TNRC6A: variants seen among roughly 807,000 people sequenced by gnomAD.
TNRC6A encodes the protein trinucleotide repeat-containing gene 6A protein.
In TNRC6A, 44 loss-of-function variants were observed where a neutral mutation model predicts 221.2. That is an observed-to-expected ratio of 0.20 (90% CI 0.16 to 0.26). TNRC6A has a LOEUF of 0.26. Ranked by LOEUF, TNRC6A falls within the 10% of genes least tolerant of loss-of-function variation. TNRC6A has a pLI of 1.00. For missense variants in TNRC6A, 2,199 were observed against 2,404.4 expected (o/e 0.91, Z 1.79); for synonymous variants, 847 against 838.5 (o/e 1.01, Z -0.18).
At chr16:24,804,403 TATATA>T in intron 12 of TNRC6A, 84 bp downstream of exon 12, 1 of 1,455,436 alleles carries the variant, frequency 6.9e-7, no homozygotes, top group Non-Finnish European at 9.2e-7. Flanking sequence ...TAAAACCTTT[TATATA>T]ATATAAAGTG....
intron 4 of TNRC6A, among the ~76,000 whole-genome samples, chr16:24,772,182 A>G (rs76152223): frequency 0.012 from 1,776 of 152,118 alleles, 38 homozygotes; most frequent in African/African-American, 0.038. Context: ...CCACGTTTGA[A>G]TTTGTGTCTT....
At chr16:24,710,420 C>T (rs997975751) in intron 2 of TNRC6A, among the ~76,000 whole-genome samples, 1 of 152,068 alleles carries the variant, frequency 6.6e-6, no homozygotes. Flanking sequence ...CCAGCCTGGG[C>T]AACATAGAAA....
intron 2 of TNRC6A, among the ~76,000 whole-genome samples, chr16:24,672,646 A>G (rs1352671929): frequency 6.6e-6 from 1 of 151,728 alleles, no homozygotes; most frequent in Admixed American, 6.6e-5. Context: ...GACTTGCCAT[A>G]TAGCTGAAGC....
At chr16:24,621,346 T>C (rs900856679) in intron 1 of TNRC6A, among the ~76,000 whole-genome samples, 2 of 24,708 alleles carry the variant, frequency 8.1e-5, no homozygotes, top group African/African-American at 4.5e-4. Context: ...GAATATGGTC[T>C]TTTTTTTTTT....
chr16:24,714,631 C>T (rs1205946934), intron 2 of TNRC6A, among the ~76,000 whole-genome samples: 1 of 152,076 alleles, frequency 6.6e-6, no homozygotes, highest in African/African-American at 2.4e-5. Context: ...CAATTCTGTG[C>T]TTTTTTCTTC....
chr16:24,726,361 C>CAAAA (rs2056491519), upstream of TNRC6A, among the ~76,000 whole-genome samples: 1 of 21,324 alleles, frequency 4.7e-5, no homozygotes. Context: ...GCAAAAGATA[C>CAAAA]CAAAAAAAAA....
At chr16:24,682,904 T>G (rs1197949500) in intron 2 of TNRC6A, among the ~76,000 whole-genome samples, 1 of 152,168 alleles carries the variant, frequency 6.6e-6, no homozygotes, top group East Asian at 1.9e-4. Context: ...GTACACCAAG[T>G]GTTCGATAAA....
At chr16:24,736,133 C>T (rs958134207) in intron 2 of TNRC6A, among the ~76,000 whole-genome samples, 3 of 152,214 alleles carry the variant, frequency 2.0e-5, no homozygotes, top group African/African-American at 7.2e-5. Context: ...CCATTGCACT[C>T]CAGCCTAGCC....
intron 21 of TNRC6A, chr16:24,819,720 CCTG>C: frequency 1.5e-5 from 3 of 200,280 alleles, no homozygotes; most frequent in South Asian, 8.8e-5. Flanking sequence ...TTTGGCAGCT[CCTG>C]AGTTGGGGCT....
chr16:24,729,339 G>T (rs1248533557), upstream of TNRC6A, among the ~76,000 whole-genome samples: 1 of 149,264 alleles, frequency 6.7e-6, no homozygotes, highest in Admixed American at 6.7e-5. Flanking sequence ...GTCAGTGGGG[G>T]AGGGGCCGGG....
At chr16:24,652,022 C>G (rs1902697785) in intron 2 of TNRC6A, among the ~76,000 whole-genome samples, 1 of 151,510 alleles carries the variant, frequency 6.6e-6, no homozygotes, top group South Asian at 2.1e-4. Context: ...CTCTCTGTGC[C>G]TCTATGAAAG....
Position 24,791,632 on chromosome 16 carries a change from G to A in TNRC6A, c.2990G>A (p.Arg997His), listed in dbSNP as rs368712374. 5.5e-5 allele frequency: 89 copies of A among 1,610,734 alleles called. No homozygotes were observed. In the Admixed American group the frequency reaches 8.6e-4, roughly 16 times the overall value. ...WEEPSPESIR[R>H]KMEIDDGTSA... ...GAACCATCCCCAGAATCTATACGTC[G>A]CAAAATGGAGATTGATGATGGAACT... Residue 997 changes from arginine (R) to histidine (H), a missense_variant, in exon 6 of 25, where the codon CGC becomes CAC. Around this residue, in one of 8 missense-constraint regions of TNRC6A, gnomAD observed 1,405 missense variants for 1,400.2 expected, o/e 1.00. Transcript: ENST00000395799.
chr16:24,782,706 T>C (rs1321557699), intron 5 of TNRC6A, among the ~76,000 whole-genome samples: 2 of 152,024 alleles, frequency 1.3e-5, no homozygotes, highest in African/African-American at 4.8e-5. Flanking sequence ...TGAAACCCCC[T>C]CTCTACTAAA....
chr16:24,618,794 C>T (rs1248650644), intron 1 of TNRC6A, among the ~76,000 whole-genome samples: 2 of 148,572 alleles, frequency 1.3e-5, no homozygotes, highest in Non-Finnish European at 3.0e-5. Flanking sequence ...CCACACCTGG[C>T]TATTTTTTTT....
At chr16:24,808,182 A>G (rs193218330) in intron 17 of TNRC6A, among the ~76,000 whole-genome samples, 2 of 152,358 alleles carry the variant, frequency 1.3e-5, no homozygotes, top group East Asian at 3.9e-4. Context: ...TTGTCTCATC[A>G]GTGAAGGGAG....
At chr16:24,795,856 A>ATG (rs2151916236) in intron 8 of TNRC6A, 51 bp from the exon 9 acceptor site, 2 of 1,503,424 alleles carry the variant, frequency 1.3e-6, no homozygotes, top group Non-Finnish European at 1.8e-6. Context: ...TCCAAACCCC[A>ATG]TGTTCTTCCC....
intron 2 of TNRC6A, among the ~76,000 whole-genome samples, chr16:24,696,468 C>T (rs951273708): frequency 5.3e-5 from 8 of 151,618 alleles, no homozygotes; most frequent in South Asian, 2.1e-4. Flanking sequence ...AAGCAGCTTA[C>T]GCCTGTAATC....
intron 19 of TNRC6A, chr16:24,816,132 C>G (rs1288314967): frequency 6.7e-6 from 1 of 150,266 alleles, no homozygotes; most frequent in African/African-American, 2.5e-5. Flanking sequence ...GGAGACCGTC[C>G]TAGCTAACAC....
At chr16:24,793,758 T>A in intron 7 of TNRC6A, 109 bp downstream of exon 7, 1 of 930,852 alleles carries the variant, frequency 1.1e-6, no homozygotes. Flanking sequence ...TATATTCATA[T>A]AATGTAACAT....
Sources: gnomAD v4.1 joint callset for allele counts (sites outside exome capture counted in the v4.1 genomes callset) on GRCh38, gnomAD v4.1.1 for gene constraint, gnomAD v4.1.1 regional missense constraint, MANE v1.5 for transcripts, NCBI Gene and HGNC (gene_info 2026-07-23, HGNC 2026-07-21) for gene names.